The following CMSS1 variants were observed in gnomAD, a reference collection of about 807,000 sequenced individuals.
CMSS1 encodes cms1 ribosomal small subunit homolog.
Under a neutral mutation model 43.5 loss-of-function variants are expected in CMSS1, and 33 were observed. The observed-to-expected ratio is 0.76, with a 90% CI of 0.57 to 1.01. The LOEUF is 1.01. CMSS1 is among the 50% of genes least tolerant of loss of function. The pLI is 0.00. For synonymous variants in CMSS1, 115 were observed against 117.2 expected (o/e 0.98, Z 0.12); for missense variants, 313 against 326.4 (o/e 0.96, Z 0.32).
intron 1 of CMSS1, among the ~76,000 whole-genome samples, chr3:99,852,316 G>C (rs1943736693): frequency 6.6e-6 from 1 of 152,272 alleles, no homozygotes; most frequent in South Asian, 2.1e-4. Flanking sequence ...TAGGTATAGA[G>C]AATTCATAAA....
intron 1 of CMSS1, among the ~76,000 whole-genome samples, chr3:100,009,009 A>G (rs998328801): frequency 5.3e-5 from 8 of 152,258 alleles, no homozygotes; most frequent in Admixed American, 2.0e-4. Context: ...TTTAGCCTCA[A>G]CATCCACCCA....
chr3:100,176,692 A>G (rs2067150958), intron 9 of CMSS1, among the ~76,000 whole-genome samples: 2 of 152,186 alleles, frequency 1.3e-5, no homozygotes, highest in Admixed American at 1.3e-4. Context: ...AAACAAGAAG[A>G]TCTGAAGGAC....
At chr3:100,155,318 T>C (rs1398568256) in intron 2 of CMSS1, among the ~76,000 whole-genome samples, 1 of 152,246 alleles carries the variant, frequency 6.6e-6, no homozygotes, top group African/African-American at 2.4e-5. Flanking sequence ...TCCTTTCTTA[T>C]ACAGCTCTTT....
chr3:99,968,428 GGAAAA>G (rs1708719270), intron 1 of CMSS1, among the ~76,000 whole-genome samples: 1 of 141,354 alleles, frequency 7.1e-6, no homozygotes, highest in South Asian at 2.2e-4. Flanking sequence ...TGTTTTTGGG[GGAAAA>G]AAAAAAAAAA....
intron 1 of CMSS1, among the ~76,000 whole-genome samples, chr3:100,144,247 A>G (rs1044901359): frequency 1.3e-5 from 2 of 152,098 alleles, no homozygotes; most frequent in African/African-American, 4.8e-5. Flanking sequence ...ACATCTCTCT[A>G]TGTAGCCTTT....
chr3:99,939,065 A>G lies in CMSS1; in HGVS notation c.64+121022A>G, dbSNP rs78290012. Among the ~76,000 whole-genome samples the G allele has an allele frequency of 4.5e-3, 687 of 152,244 alleles. 7 individuals are homozygous for G. Among genetic ancestry groups the G allele is most frequent in the African/African-American group, 0.016 (673 of 41,552 alleles). On this transcript the variant is annotated intron_variant, in intron 1 of 9. Coordinates refer to ENST00000421999, the MANE Select transcript of CMSS1 (RefSeq NM_032359.4). ...GCATAGACAAGTCTTTAGACAAGGG[A>G]TTGGAAAGTGGGGATGTATGATTCA...
At chr3:99,861,165 C>A (rs1205819528) in intron 1 of CMSS1, among the ~76,000 whole-genome samples, 1 of 151,702 alleles carries the variant, frequency 6.6e-6, no homozygotes, top group East Asian at 1.9e-4. Context: ...TCCATACTTT[C>A]CATTTTGATT....
intron 1 of CMSS1, among the ~76,000 whole-genome samples, chr3:99,929,505 G>A (rs1189379942): frequency 7.0e-6 from 1 of 142,332 alleles, no homozygotes; most frequent in Non-Finnish European, 1.5e-5. Context: ...TACCCTGCAA[G>A]TTCCCAGAGT....
intron 1 of CMSS1, among the ~76,000 whole-genome samples, chr3:99,938,447 G>A (rs1490213861): frequency 2.0e-5 from 3 of 152,168 alleles, no homozygotes; most frequent in East Asian, 1.9e-4. Flanking sequence ...CTAACTGTAC[G>A]ACACTCATGG....
chr3:100,049,435 C>G (rs1048984913), intron 1 of CMSS1, among the ~76,000 whole-genome samples: 4 of 152,122 alleles, frequency 2.6e-5, no homozygotes, highest in African/African-American at 9.7e-5. Flanking sequence ...TAATATGGCA[C>G]TAGAGTGTCA....
At chr3:99,900,201 A>G (rs1706391083) in intron 1 of CMSS1, among the ~76,000 whole-genome samples, 1 of 152,226 alleles carries the variant, frequency 6.6e-6, no homozygotes, top group Admixed American at 6.5e-5. Flanking sequence ...TTATGACTAC[A>G]GGATGGAAGT....
At chr3:100,083,998 C>T (rs183705391) in intron 1 of CMSS1, among the ~76,000 whole-genome samples, 42 of 152,192 alleles carry the variant, frequency 2.8e-4, no homozygotes, top group Admixed American at 2.4e-3. Flanking sequence ...AATATTTCTC[C>T]GTTATAGTTA....
chr3:99,957,693 C>CTTTTTTTTTTTTTTTTTTTTT (rs779350496), intron 1 of CMSS1, among the ~76,000 whole-genome samples: 221 of 19,886 alleles, frequency 0.011, 64 homozygotes, highest in Non-Finnish European at 0.016. Context: ...TTCTTTCTTT[C>CTTTTTTTTTTTTTTTTTTTTT]TTTTTTTTTT....
At chr3:99,866,655 T>C (rs536103146) in intron 1 of CMSS1, among the ~76,000 whole-genome samples, 3 of 152,294 alleles carry the variant, frequency 2.0e-5, no homozygotes, top group African/African-American at 7.2e-5. Flanking sequence ...GGTTAATGTG[T>C]GGCTTGGCTT....
chr3:99,891,786 C>G (rs1706090182), intron 1 of CMSS1, among the ~76,000 whole-genome samples: 1 of 152,150 alleles, frequency 6.6e-6, no homozygotes, highest in Admixed American at 6.5e-5. Flanking sequence ...GCTCAGCTTA[C>G]TAATAAGCCA....
At chr3:100,048,715 G>T (rs1190936112) in intron 1 of CMSS1, among the ~76,000 whole-genome samples, 5 of 152,112 alleles carry the variant, frequency 3.3e-5, no homozygotes, top group South Asian at 2.1e-4. Context: ...GTCCAGGTGG[G>T]TTTTATGTTT....
intron 1 of CMSS1, among the ~76,000 whole-genome samples, chr3:99,991,965 T>C (rs529197940): frequency 6.7e-6 from 1 of 149,328 alleles, no homozygotes; most frequent in South Asian, 2.1e-4. Flanking sequence ...TATGTGTGTA[T>C]ATATACACAC....
chr3:99,955,933 C>T (rs1296028240), intron 1 of CMSS1, among the ~76,000 whole-genome samples: 1 of 152,134 alleles, frequency 6.6e-6, no homozygotes, highest in Non-Finnish European at 1.5e-5. Context: ...TCTTACATAG[C>T]GCTTACCACA....
intron 1 of CMSS1, among the ~76,000 whole-genome samples, chr3:100,102,119 C>T (rs1457798924): frequency 1.3e-5 from 2 of 152,126 alleles, no homozygotes; most frequent in African/African-American, 4.8e-5. Flanking sequence ...GATTTATAAT[C>T]CTTTGGGTAT....
Sources: gnomAD v4.1 joint callset for allele counts (sites outside exome capture counted in the v4.1 genomes callset) on GRCh38, gnomAD v4.1.1 for gene constraint, MANE v1.5 for transcripts, NCBI Gene and HGNC (gene_info 2026-07-23, HGNC 2026-07-21) for gene names.